The following OMA1 variants were observed in gnomAD, a reference collection of about 807,000 sequenced individuals.
OMA1 encodes OMA1 zinc metallopeptidase, also known as metalloendopeptidase OMA1, mitochondrial.
In OMA1, 38 loss-of-function variants were observed where a neutral mutation model predicts 30.9. The observed-to-expected ratio is 1.23, with a 90% CI of 0.95 to 1.61. OMA1 has a LOEUF of 1.61. Ranked by LOEUF, OMA1 falls within the 40% of genes most tolerant of loss-of-function variation. OMA1 has a pLI of 0.00. For missense variants in OMA1, 461 were observed against 349.2 expected (o/e 1.32, Z -2.55); for synonymous variants, 173 against 121.9 (o/e 1.42, Z -2.76).
At chr1:58,527,417 CAGTTTCATG>C in intron 6 of OMA1, 82 bp from the exon 7 acceptor site, 2 of 748,862 alleles carry the variant, frequency 2.7e-6, no homozygotes, top group Non-Finnish European at 4.8e-6. Flanking sequence ...TTTTAAAAAA[CAGTTTCATG>C]GAGTATCTAG....
At chr1:58,507,629 A>G (rs2100419817) in intron 7 of OMA1, among the ~76,000 whole-genome samples, 1 of 152,164 alleles carries the variant, frequency 6.6e-6, no homozygotes, top group Non-Finnish European at 1.5e-5. Context: ...GTATATAACA[A>G]ACATAAATAT....
At chr1:58,505,394 T>C (rs1257666669) in intron 8 of OMA1, among the ~76,000 whole-genome samples, 1 of 152,132 alleles carries the variant, frequency 6.6e-6, no homozygotes. Flanking sequence ...GGCTCAGAGA[T>C]GCCTAACATC....
Position 58,533,945 on chromosome 1 carries a change from G to A in OMA1, c.1011+8C>T, listed in dbSNP as rs751867181. ...TTCCAAACCTGAACATTCATTTTAG[G>A]TACTTACAGCATGCCCAAGTACTGC... On this transcript the variant is annotated splice_region_variant and intron_variant, in intron 5 of 8. Coordinates refer to ENST00000371226, the MANE Select transcript of OMA1 (RefSeq NM_145243.5). 1.1e-6 allele frequency: 1 copy of A among 870,670 alleles called. No homozygotes were observed. The highest frequency in any genetic ancestry group is 1.3e-5 in the South Asian group (1 of 76,262). The allele number at this position is 870,670 out of a possible 1,614,324, so 53.9% of individuals were successfully genotyped here.
At chr1:58,524,468 A>AC (rs1646318415) in intron 7 of OMA1, among the ~76,000 whole-genome samples, 1 of 152,236 alleles carries the variant, frequency 6.6e-6, no homozygotes, top group Admixed American at 6.5e-5. Flanking sequence ...GAATCATATT[A>AC]GAGTCTATAG....
At chr1:58,487,091 G>A (rs1015828350) in intron 8 of OMA1, among the ~76,000 whole-genome samples, 2 of 152,214 alleles carry the variant, frequency 1.3e-5, no homozygotes, top group Non-Finnish European at 2.9e-5. Context: ...GAGGTGAAAC[G>A]TGACATCGTG....
intron 7 of OMA1, among the ~76,000 whole-genome samples, chr1:58,526,919 A>G (rs79049047): frequency 6.6e-6 from 1 of 152,130 alleles, no homozygotes; most frequent in Non-Finnish European, 1.5e-5. Flanking sequence ...TAAAATTTCA[A>G]TTTGTATGTT....
chr1:58,544,364 C>G (rs1408114942), intron 1 of OMA1, among the ~76,000 whole-genome samples: 1 of 151,922 alleles, frequency 6.6e-6, no homozygotes, highest in African/African-American at 2.4e-5. Flanking sequence ...TTTAAAAAAC[C>G]CTCCCCAATT....
intron 8 of OMA1, among the ~76,000 whole-genome samples, chr1:58,500,366 C>T (rs1054166593): frequency 4.6e-5 from 7 of 152,076 alleles, no homozygotes; most frequent in Admixed American, 1.3e-4. Context: ...TGGCCAACAA[C>T]GACATTTCAC....
At chr1:58,481,414 T>C (rs1332918728) in intron 8 of OMA1, among the ~76,000 whole-genome samples, 1 of 152,170 alleles carries the variant, frequency 6.6e-6, no homozygotes, top group East Asian at 1.9e-4. Flanking sequence ...ATTAATAATC[T>C]GTAACAACTG....
intron 8 of OMA1, among the ~76,000 whole-genome samples, chr1:58,499,574 C>T (rs1397002392): frequency 6.6e-6 from 1 of 151,602 alleles, no homozygotes; most frequent in Non-Finnish European, 1.5e-5. Flanking sequence ...TTCTGGAGAT[C>T]TACTACACAG....
At chr1:58,493,210 T>C (rs1051940222) in intron 8 of OMA1, among the ~76,000 whole-genome samples, 1 of 152,038 alleles carries the variant, frequency 6.6e-6, no homozygotes, top group African/African-American at 2.4e-5. Context: ...TTGACAAAAT[T>C]CAACAGCCCT....
At chr1:58,519,025 TTA>T (rs1385056339) in intron 7 of OMA1, among the ~76,000 whole-genome samples, 1 of 152,172 alleles carries the variant, frequency 6.6e-6, no homozygotes, top group African/African-American at 2.4e-5. Flanking sequence ...AGTTCATGCA[TTA>T]TCTCTACACT....
chr1:58,496,767 T>G (rs1645810080), intron 8 of OMA1, among the ~76,000 whole-genome samples: 1 of 152,212 alleles, frequency 6.6e-6, no homozygotes, highest in South Asian at 2.1e-4. Flanking sequence ...CTGAATAAGA[T>G]AAAAGTGTCT....
chr1:58,531,689 TG>T (rs2100476225), intron 5 of OMA1, among the ~76,000 whole-genome samples: 1 of 146,546 alleles, frequency 6.8e-6, no homozygotes, highest in East Asian at 2.0e-4. Flanking sequence ...CACAAATGTG[TG>T]TTTTGAAAAA....
At chr1:58,528,979 CTG>C (rs985334402) in intron 6 of OMA1, among the ~76,000 whole-genome samples, 62 of 152,272 alleles carry the variant, frequency 4.1e-4, no homozygotes, top group African/African-American at 1.4e-3. Flanking sequence ...TTATGACCAA[CTG>C]TGCTGATTCC....
chr1:58,520,213 G>A (rs1453378271), intron 7 of OMA1, among the ~76,000 whole-genome samples: 1 of 151,918 alleles, frequency 6.6e-6, no homozygotes, highest in Non-Finnish European at 1.5e-5. Context: ...ATTTACCCAC[G>A]TAACAGACCT....
chr1:58,538,113 A>C (rs1646546691), intron 2 of OMA1, among the ~76,000 whole-genome samples: 1 of 152,236 alleles, frequency 6.6e-6, no homozygotes, highest in Non-Finnish European at 1.5e-5. Flanking sequence ...GGTAGTAAGA[A>C]GGCTAGAAGG....
In OMA1 at chr1:58,506,808, T is replaced by C. The variant is rs1211061678; in HGVS notation, c.1216-599A>G. The stretch of plus-strand genomic sequence containing the variant: ...GACATGTTTATTATGCACATCAATT[T>C]ACCCAATTTTCTCAATGTATATGGA... On this transcript the variant is annotated intron_variant, in intron 7 of 8. Transcript: ENST00000371226. Among the ~76,000 whole-genome samples the C allele has an allele frequency of 2.0e-5, 3 of 152,302 alleles. No homozygotes were observed. In the East Asian group the frequency reaches 5.8e-4, roughly 29 times the overall value.
chr1:58,512,085 A>G (rs951485518), intron 7 of OMA1, among the ~76,000 whole-genome samples: 5 of 152,200 alleles, frequency 3.3e-5, no homozygotes, highest in Admixed American at 1.3e-4. Flanking sequence ...AAAAATAGGC[A>G]AAGGATCTCA....
Sources: allele counts gnomAD v4.1 joint callset (sites outside exome capture counted in the v4.1 genomes callset), GRCh38; gene constraint gnomAD v4.1.1; transcripts MANE v1.5; gene names NCBI Gene and HGNC (gene_info 2026-07-23, HGNC 2026-07-21).